Variants in AOPEP observed in about 807,000 individuals in gnomAD.
AOPEP encodes aminopeptidase O.
In AOPEP, 77 loss-of-function variants were observed where a neutral mutation model predicts 98.1. The observed-to-expected ratio is 0.78, with a 90% CI of 0.65 to 0.95. The LOEUF (loss-of-function observed/expected upper bound fraction) is 0.95, where lower values mean the gene tolerates loss of function less well. AOPEP is among the 40% of genes least tolerant of loss of function. AOPEP has a pLI of 0.00. For missense variants in AOPEP, 1,024 were observed against 1,024.7 expected (o/e 1.00, Z 0.01); for synonymous variants, 346 against 365.3 (o/e 0.95, Z 0.60).
At chr9:94,730,138 G>C (rs1033286161) in intron 1 of AOPEP, among the ~76,000 whole-genome samples, 1 of 152,100 alleles carries the variant, frequency 6.6e-6, no homozygotes, top group African/African-American at 2.4e-5. Flanking sequence ...CAAAAAATTA[G>C]CTGGGCGTGG....
intron 5 of AOPEP, among the ~76,000 whole-genome samples, chr9:94,876,866 C>T (rs1008858512): frequency 2.0e-5 from 3 of 152,132 alleles, no homozygotes; most frequent in Non-Finnish European, 2.9e-5. Flanking sequence ...TGGTTGAATG[C>T]ATATATTGTT....
At chr9:94,966,530 C>T (rs1429147953) in intron 9 of AOPEP, among the ~76,000 whole-genome samples, 1 of 152,178 alleles carries the variant, frequency 6.6e-6, no homozygotes, top group East Asian at 1.9e-4. Flanking sequence ...ATAAAAACTT[C>T]AAGTATAGAT....
intron 16 of AOPEP, chr9:95,085,968 C>A: frequency 1.5e-6 from 2 of 1,353,662 alleles, no homozygotes; most frequent in Non-Finnish European, 2.0e-6. Context: ...AGACGGTGCC[C>A]ACGGAGCTCC....
At chr9:94,967,545 G>T (rs1179348163) in intron 9 of AOPEP, among the ~76,000 whole-genome samples, 1 of 152,154 alleles carries the variant, frequency 6.6e-6, no homozygotes, top group East Asian at 1.9e-4. Flanking sequence ...TTTTTAATGT[G>T]TTCTTGGTTT....
At chr9:94,858,705 G>A (rs2044541520) in intron 5 of AOPEP, among the ~76,000 whole-genome samples, 1 of 152,104 alleles carries the variant, frequency 6.6e-6, no homozygotes, top group Non-Finnish European at 1.5e-5. Context: ...GAGGTGATTA[G>A]GTCATGAGGG....
At chr9:95,025,038 T>C (rs1378165660) in intron 13 of AOPEP, among the ~76,000 whole-genome samples, 2 of 152,208 alleles carry the variant, frequency 1.3e-5, no homozygotes, top group African/African-American at 4.8e-5. Context: ...ATCATATAAT[T>C]TATAAAAATC....
chr9:95,029,532 A>G (rs898334960), intron 13 of AOPEP, among the ~76,000 whole-genome samples: 3 of 152,144 alleles, frequency 2.0e-5, no homozygotes, highest in Non-Finnish European at 4.4e-5. Context: ...ATTCAGTGCC[A>G]TGCCAGTCAC....
At chr9:95,007,220 A>G (rs1179651114) in intron 13 of AOPEP, among the ~76,000 whole-genome samples, 2 of 152,092 alleles carry the variant, frequency 1.3e-5, no homozygotes, top group East Asian at 1.9e-4. Context: ...TTTTAAGCCA[A>G]AAATAAGATT....
At chr9:94,801,501 G>T (rs552015940) in intron 5 of AOPEP, among the ~76,000 whole-genome samples, 1 of 152,338 alleles carries the variant, frequency 6.6e-6, no homozygotes, top group South Asian at 2.1e-4. Context: ...GACTGTGGAT[G>T]GATCAGTGTA....
chr9:95,050,954 G>C (rs111857790), intron 13 of AOPEP, among the ~76,000 whole-genome samples: 2 of 152,276 alleles, frequency 1.3e-5, no homozygotes, highest in East Asian at 3.9e-4. Flanking sequence ...GAGTGTATGT[G>C]TGTGTCCATA....
chr9:94,759,956 G>A lies in AOPEP; in HGVS notation c.173G>A (p.Ser58Asn). ...EDGNRFKKQN[S>N]SIEEACQSES... ...GGAAACAGATTCAAGAAACAGAATA[G>A]CTCTATTGAGGAAGCCTGCCAATCA... Residue 58 changes from serine (S) to asparagine (N), a missense_variant, in exon 2 of 17, where the codon AGC (serine) becomes AAC (asparagine). Transcript: ENST00000375315. 2.5e-6 allele frequency: 4 copies of A among 1,614,132 alleles called. No homozygotes were observed. The highest frequency in any genetic ancestry group is 3.4e-6 in the Non-Finnish European group (4 of 1,180,024).
At chr9:95,120,546 C>T in the AOPEP span, among the ~76,000 whole-genome samples, 4 of 151,922 alleles carry the variant, frequency 2.6e-5, no homozygotes, top group Admixed American at 6.6e-5. Flanking sequence ...CCCGAGTAGC[C>T]GGGACTACAG....
intron 13 of AOPEP, among the ~76,000 whole-genome samples, chr9:95,058,995 C>T (rs2067081945): frequency 6.6e-6 from 1 of 152,292 alleles, no homozygotes; most frequent in Middle Eastern, 3.4e-3. Flanking sequence ...CACATGCACC[C>T]GGCAGTGTTC....
intron 2 of AOPEP, among the ~76,000 whole-genome samples, chr9:94,764,192 T>G (rs1053668070): frequency 1.3e-5 from 2 of 152,194 alleles, no homozygotes; most frequent in Non-Finnish European, 2.9e-5. Context: ...CAAAAGCTCT[T>G]AACTCCAATC....
chr9:95,022,906 C>T (rs2063569331), intron 13 of AOPEP, among the ~76,000 whole-genome samples: 1 of 152,166 alleles, frequency 6.6e-6, no homozygotes, highest in Non-Finnish European at 1.5e-5. Context: ...GTAGCTGATG[C>T]TGTGGGTCAC....
the AOPEP span, among the ~76,000 whole-genome samples, chr9:95,122,778 C>T: frequency 5.9e-5 from 9 of 152,148 alleles, no homozygotes; most frequent in African/African-American, 7.2e-5. Flanking sequence ...GTGTGCTCCG[C>T]GAGGCCACAG....
chr9:94,771,889 C>T (rs914941174), intron 2 of AOPEP, among the ~76,000 whole-genome samples: 3 of 152,064 alleles, frequency 2.0e-5, no homozygotes, highest in Non-Finnish European at 4.4e-5. Context: ...TTGGTCTCTC[C>T]GCTCTTCTAT....
intron 13 of AOPEP, among the ~76,000 whole-genome samples, chr9:95,008,636 T>C (rs1484274574): frequency 6.6e-6 from 1 of 152,084 alleles, no homozygotes; most frequent in African/African-American, 2.4e-5. Context: ...TGAAATAAAG[T>C]AAATTGGGGA....
At chr9:94,804,352 C>T (rs1848802239) in intron 5 of AOPEP, among the ~76,000 whole-genome samples, 1 of 152,194 alleles carries the variant, frequency 6.6e-6, no homozygotes, top group African/African-American at 2.4e-5. Context: ...ACCTAGCTGT[C>T]GTCCATATAT....
Sources: allele counts gnomAD v4.1 joint callset (sites outside exome capture counted in the v4.1 genomes callset), GRCh38; gene constraint gnomAD v4.1.1; transcripts MANE v1.5; gene names NCBI Gene and HGNC (gene_info 2026-07-23, HGNC 2026-07-21).